Variants in ZFC3H1 observed in about 807,000 individuals in gnomAD.
ZFC3H1 encodes zinc finger C3H1 domain-containing protein.
ZFC3H1 carries 71 observed loss-of-function variants against 243.7 expected under a neutral mutation model. The observed-to-expected ratio is 0.29, with a 90% CI of 0.24 to 0.36. ZFC3H1 has a LOEUF of 0.36. Ranked by LOEUF, ZFC3H1 falls within the 10% of genes least tolerant of loss-of-function variation. The pLI, the probability that ZFC3H1 is intolerant of heterozygous loss-of-function variation, is 1.00. For missense variants in ZFC3H1, 1,966 were observed against 2,317.1 expected, an observed-to-expected ratio of 0.85 and a Z score of 3.11; for synonymous variants, 838 against 813.0, an observed-to-expected ratio of 1.03 and a Z score of -0.52.
chr12:71,629,058 T>C (rs368496216), intron 19 of ZFC3H1, 21 bp from the exon 20 acceptor site: 157 of 1,575,554 alleles, frequency 1.0e-4, no homozygotes, highest in Middle Eastern at 2.0e-4. Context: ...TAGGAGAAGA[T>C]TGTTAATTGA....
intron 2 of ZFC3H1, chr12:71,656,631 AGGT>A (rs1428482947): frequency 1.7e-6 from 1 of 601,312 alleles, no homozygotes; most frequent in Non-Finnish European, 2.9e-6. Flanking sequence ...TAGGAAACAA[AGGT>A]GTCCACTATT....
At chr12:71,658,837 T>A (rs1881090302) in intron 1 of ZFC3H1, among the ~76,000 whole-genome samples, 1 of 152,196 alleles carries the variant, frequency 6.6e-6, no homozygotes, top group Non-Finnish European at 1.5e-5. Context: ...AAGCCAAGTA[T>A]CCTGAAAGAA....
intron 5 of ZFC3H1, 70 bp from the exon 6 acceptor site, chr12:71,642,629 T>C (rs987823859): frequency 2.0e-6 from 3 of 1,514,778 alleles, no homozygotes; most frequent in Non-Finnish European, 1.8e-6. Context: ...AAAGAACTGA[T>C]AGTTATCTTC....
chr12:71,659,770 G>C (rs1208488993), intron 1 of ZFC3H1, among the ~76,000 whole-genome samples: 2 of 152,132 alleles, frequency 1.3e-5, no homozygotes, highest in Non-Finnish European at 2.9e-5. Context: ...AGCTTGTCAA[G>C]ATACAATTTC....
At chr12:71,621,417 C>G (rs569552313) in intron 24 of ZFC3H1, among the ~76,000 whole-genome samples, 1 of 152,106 alleles carries the variant, frequency 6.6e-6, no homozygotes, top group South Asian at 2.1e-4. Flanking sequence ...AATTATCCTG[C>G]CTCAGCCTCC....
At chr12:71,632,598 C>A in intron 14 of ZFC3H1, 84 bp from the exon 15 acceptor site, 1 of 1,417,482 alleles carries the variant, frequency 7.1e-7, no homozygotes, top group Non-Finnish European at 9.4e-7. Context: ...CTATCCCCAC[C>A]ATACAATGCC....
At chr12:71,611,367 C>CA in intron 32 of ZFC3H1, 1 of 254,692 alleles carries the variant, frequency 3.9e-6, no homozygotes, top group Non-Finnish European at 7.2e-6. Flanking sequence ...ACAACAACAA[C>CA]AACAAAAAAA....
intron 31 of ZFC3H1, among the ~76,000 whole-genome samples, chr12:71,613,007 T>C (rs144408038): frequency 6.6e-6 from 1 of 152,296 alleles, no homozygotes; most frequent in African/African-American, 2.4e-5. Flanking sequence ...TCTTAAATAA[T>C]ATTCCCTTGC....
In ZFC3H1 at chr12:71,610,576, C is replaced by T. The variant is rs1879744064; in HGVS notation, c.5833-11G>A. 6.2e-7 allele frequency: 1 copy of T among 1,612,824 alleles called. No homozygotes were observed. Among genetic ancestry groups the T allele is most frequent in the Non-Finnish European group, 8.5e-7 (1 of 1,179,440 alleles). ...TTCAAACAAGAGTTGCTGTAAAAGA[C>T]AGGGAAGCATAGAAGTAAGACTTAG... On this transcript the variant is annotated splice_polypyrimidine_tract_variant and intron_variant, in intron 34 of 34. Transcript: ENST00000378743.
rs1223868428 is a variant in ZFC3H1, at chr12:71,629,776, T to C, written c.3725-66A>G. On this transcript the variant is annotated intron_variant, in intron 18 of 34. Coordinates refer to ENST00000378743, the MANE Select transcript of ZFC3H1 (RefSeq NM_144982.5). ...TACAGAGACTAGGATAATTAAAATG[T>C]ATGACGTGAACTAGTTTAAGAATTA... 4 of 1,039,514 alleles carry C rather than the reference T, an allele frequency of 3.8e-6. No individual in the cohort carries two copies. In the African/African-American group the frequency reaches 4.7e-5, roughly 12 times the overall value. 64.4% of individuals were successfully genotyped at this position (1,039,514 alleles called of 1,614,324 possible).
intron 3 of ZFC3H1, 73 bp from the exon 4 acceptor site, chr12:71,645,148 C>T: frequency 1.4e-6 from 2 of 1,394,710 alleles, no homozygotes; most frequent in African/African-American, 1.5e-5. Flanking sequence ...CAAGTCAAAT[C>T]CTTTATGATA....
chr12:71,628,057 T>TAG, intron 20 of ZFC3H1, 123 bp from the exon 21 acceptor site: 1 of 952,404 alleles, frequency 1.0e-6, no homozygotes, highest in South Asian at 1.6e-5. Context: ...TGACATGTAC[T>TAG]AGCTCACAGC....
chr12:71,661,144 A>G (rs1179057928), intron 1 of ZFC3H1, among the ~76,000 whole-genome samples: 4 of 151,914 alleles, frequency 2.6e-5, no homozygotes, highest in African/African-American at 9.7e-5. Context: ...TCTACTAAAA[A>G]TATAAAAAAT....
rs1349970471 is a variant in ZFC3H1, at chr12:71,637,063, TTTTTTAAAAA to T, written c.1726-14_1726-5del. On this transcript the variant is annotated splice_polypyrimidine_tract_variant and splice_region_variant and intron_variant, in intron 7 of 34. Coordinates refer to ENST00000378743, the MANE Select transcript of ZFC3H1 (RefSeq NM_144982.5). Reference sequence around the variant, plus strand: ...GCTGGCTCAAAGGTGGCAGAGACTATTTTTTAAAAAAAGAAAGAATTACAACGCAAATTTT... The same window carrying T: ...GCTGGCTCAAAGGTGGCAGAGACTATAAGAAAGAATTACAACGCAAATTTT... 1 of 1,598,302 alleles carries T rather than the reference TTTTTTAAAAA, an allele frequency of 6.3e-7. No homozygotes were observed. Among genetic ancestry groups the T allele is most frequent in the Non-Finnish European group, 8.5e-7 (1 of 1,175,434 alleles).
In ZFC3H1 at chr12:71,610,410, A is replaced by G; in HGVS notation, c.*18T>C. 6.2e-7 allele frequency: 1 copy of G among 1,610,650 alleles called. No homozygotes were observed. The highest frequency in any genetic ancestry group is 8.5e-7 in the Non-Finnish European group (1 of 1,178,490). ...TTGGCAATTATTATAAGGACTTAGA[A>G]CTGACTGCACCCAGTGTTCAGTGAT... On this transcript the variant is annotated 3_prime_UTR_variant, in exon 35 of 35. Coordinates refer to ENST00000378743, the MANE Select transcript of ZFC3H1 (RefSeq NM_144982.5).
At chr12:71,653,732 G>T (rs1318675872) in intron 2 of ZFC3H1, among the ~76,000 whole-genome samples, 2 of 152,194 alleles carry the variant, frequency 1.3e-5, no homozygotes, top group African/African-American at 4.8e-5. Context: ...AATATAATTA[G>T]GGGCTGGGTG....
At chr12:71,634,655 T>C (rs778615144) in intron 11 of ZFC3H1, 49 bp downstream of exon 11, 15 of 1,544,644 alleles carry the variant, frequency 9.7e-6, no homozygotes, top group Non-Finnish European at 8.7e-6. Context: ...AAGAGAAGTT[T>C]TGAAAACATC....
intron 3 of ZFC3H1, among the ~76,000 whole-genome samples, chr12:71,646,602 T>C (rs1880736051): frequency 6.6e-6 from 1 of 152,208 alleles, no homozygotes; most frequent in Non-Finnish European, 1.5e-5. Flanking sequence ...CAAAGTCTTT[T>C]TGTTTTCTTG....
rs760162250 is a variant in ZFC3H1 at position 71,638,399 on chromosome 12, G to A, written c.1725+19C>T. 56 of 1,602,678 alleles carry A rather than the reference G, an allele frequency of 3.5e-5. No individual in the cohort carries two copies. In the South Asian group the frequency reaches 6.1e-4, roughly 17 times the overall value. On this transcript the variant is annotated intron_variant, in intron 7 of 34. Coordinates refer to ENST00000378743, the MANE Select transcript of ZFC3H1 (RefSeq NM_144982.5). The stretch of plus-strand genomic sequence containing the variant: ...AAGACAAGACAAAATAATTTTCTTA[G>A]AAATCAATTCTGACTTACAGAAACC...
Sources: allele counts gnomAD v4.1 joint callset (sites outside exome capture counted in the v4.1 genomes callset), GRCh38; gene constraint gnomAD v4.1.1; transcripts MANE v1.5; gene names NCBI Gene and HGNC (gene_info 2026-07-23, HGNC 2026-07-21).